ITGB1: variants seen among roughly 807,000 people sequenced by gnomAD.
ITGB1 encodes integrin subunit beta 1.
Under a neutral mutation model 86.5 loss-of-function variants are expected in ITGB1, and 24 were observed. That is an observed-to-expected ratio of 0.28 (90% confidence interval 0.20 to 0.39). The LOEUF (loss-of-function observed/expected upper bound fraction) is 0.39. ITGB1 is among the 10% of genes least tolerant of loss of function. The pLI, the probability that ITGB1 is intolerant of heterozygous loss-of-function variation, is 1.00. For missense variants in ITGB1, 556 were observed against 946.9 expected, an observed-to-expected ratio of 0.59 and a Z score of 5.42; for synonymous variants, 323 against 316.8, an observed-to-expected ratio of 1.02 and a Z score of -0.21.
chr10:32,932,421 C>T (rs2094986439), intron 3 of ITGB1, 94 bp downstream of exon 3: 1 of 751,366 alleles, frequency 1.3e-6, no homozygotes, highest in South Asian at 1.6e-5. Context: ...TTATGATTTA[C>T]ATAAAAATTA....
chr10:32,921,436 A>T (rs2094949634), intron 9 of ITGB1, among the ~76,000 whole-genome samples: 1 of 152,210 alleles, frequency 6.6e-6, no homozygotes, highest in African/African-American at 2.4e-5. Flanking sequence ...GGGAAGCCTC[A>T]TATGGTAGGC....
At chr10:32,913,433 C>A (rs776527190) in intron 11 of ITGB1, among the ~76,000 whole-genome samples, 2 of 152,054 alleles carry the variant, frequency 1.3e-5, no homozygotes, top group Admixed American at 1.3e-4. Flanking sequence ...AAAGACTAGA[C>A]GAATGGCTAA....
At chr10:32,942,669 GTCTC>G (rs1335073920) in intron 1 of ITGB1, among the ~76,000 whole-genome samples, 90 of 139,174 alleles carry the variant, frequency 6.5e-4, no homozygotes, top group African/African-American at 1.9e-3. Flanking sequence ...CCTCGACCCT[GTCTC>G]TCTCTCTCTC....
chr10:32,917,391 C>A (rs918675779), intron 11 of ITGB1, among the ~76,000 whole-genome samples: 2 of 152,166 alleles, frequency 1.3e-5, no homozygotes, highest in African/African-American at 4.8e-5. Flanking sequence ...AAACTGCCAT[C>A]AGAGTGAACA....
At chr10:32,934,552 T>C (rs2094994633) in intron 2 of ITGB1, among the ~76,000 whole-genome samples, 1 of 152,206 alleles carries the variant, frequency 6.6e-6, no homozygotes, top group Admixed American at 6.5e-5. Context: ...AAATACCATT[T>C]TACCACATTT....
chr10:32,939,534 G>T (rs1234168754), intron 1 of ITGB1, among the ~76,000 whole-genome samples: 1 of 152,190 alleles, frequency 6.6e-6, no homozygotes, highest in East Asian at 1.9e-4. Flanking sequence ...CACCTGTCCA[G>T]CACAAGACTG....
In ITGB1 at chr10:32,911,868, T is replaced by C; in HGVS notation, c.1708+18A>G. On this transcript the variant is annotated intron_variant, in intron 12 of 15. Coordinates refer to ENST00000302278, the MANE Select transcript of ITGB1 (RefSeq NM_002211.4). ...AGATGGGATCACATCTTACAACCACTTCAGGCCCTTTACTTACCTCCACAA... is the reference window on the plus strand; with the variant it reads ...AGATGGGATCACATCTTACAACCACCTCAGGCCCTTTACTTACCTCCACAA... 6.3e-7 allele frequency: 1 copy of C among 1,588,974 alleles called. No homozygotes were observed. Among genetic ancestry groups the C allele is most frequent in the Non-Finnish European group, 8.6e-7 (1 of 1,162,766 alleles).
At chr10:32,951,654 CA>C (rs2095042847) in intron 1 of ITGB1, 1 of 152,366 alleles carries the variant, frequency 6.6e-6, no homozygotes, top group East Asian at 1.9e-4. Context: ...TCCTTCCACT[CA>C]AAAGGTAAGA....
At chr10:32,919,058 G>C (rs2094940659) in intron 11 of ITGB1, among the ~76,000 whole-genome samples, 1 of 152,122 alleles carries the variant, frequency 6.6e-6, no homozygotes, top group Non-Finnish European at 1.5e-5. Context: ...ACTAAAAATG[G>C]ACCTGCATGA....
At chr10:32,920,783 G>A (rs904116882) in intron 9 of ITGB1, among the ~76,000 whole-genome samples, 2 of 147,008 alleles carry the variant, frequency 1.4e-5, no homozygotes, top group Admixed American at 7.0e-5. Flanking sequence ...GACCAGCCTG[G>A]CCAACACAGT....
rs1014720939 is a variant in ITGB1, at chr10:32,907,836, CA to C, written c.2331+531del. Among the ~76,000 whole-genome samples the C allele has an allele frequency of 1.9e-4, 29 of 150,230 alleles. No individual in the cohort carries two copies. The East Asian group carries it at 3.9e-3, about 20-fold the overall frequency. On this transcript the variant is annotated intron_variant, in intron 15 of 15. Coordinates refer to ENST00000302278, the MANE Select transcript of ITGB1 (RefSeq NM_002211.4). ...CTGATGAGCTTTAAAAAAAAGTTACCAAAAAAAAATAATAATAATAATTACA... is the reference window on the plus strand; with the variant it reads ...CTGATGAGCTTTAAAAAAAAGTTACCAAAAAAAATAATAATAATAATTACA...
Position 32,910,385 on chromosome 10 carries a change from A to G in ITGB1, c.2002T>C (p.Phe668Leu), listed in dbSNP as rs1461519934. 1 of 1,600,566 alleles carries G rather than the reference A, an allele frequency of 6.2e-7. No homozygotes were observed. The highest frequency in any genetic ancestry group is 1.3e-5 in the African/African-American group (1 of 74,594). The change falls in exon 14 of 16, where the codon TTT (phenylalanine) becomes CTT (leucine). Residue 668 changes from phenylalanine to leucine, a missense_variant. This residue lies in a region of ITGB1 where 330 missense variants were observed against 531.5 expected (regional missense o/e 0.62). Transcript: ENST00000302278. ...CGACTTTCTACCTTGGTAATGTTAA[A>G]ATAGGAACATTCCTGTGTGCATGTG... ...KDTCTQECSY[F>L]NITKVESRDK... is the part of the protein sequence containing the mutation.
intron 4 of ITGB1, 86 bp from the exon 5 acceptor site, chr10:32,928,350 G>A (rs374280645): frequency 2.1e-4 from 132 of 629,882 alleles, no homozygotes; most frequent in Non-Finnish European, 3.0e-4. Context: ...TGGTTTACAC[G>A]GTAAACACAA....
chr10:32,922,760 A>C, intron 7 of ITGB1, 25 bp from the exon 8 acceptor site: 1 of 1,330,488 alleles, frequency 7.5e-7, no homozygotes, highest in Non-Finnish European at 1.1e-6. Context: ...AATATAATTT[A>C]GTATTTAAAT....
At chr10:32,923,976 G>A (rs1435643541) in intron 6 of ITGB1, among the ~76,000 whole-genome samples, 2 of 152,050 alleles carry the variant, frequency 1.3e-5, no homozygotes, top group Admixed American at 6.6e-5. Flanking sequence ...CAATCTCTCA[G>A]TTCTTTTTAA....
chr10:32,952,217 G>C (rs1176167222), intron 1 of ITGB1, among the ~76,000 whole-genome samples: 1 of 151,996 alleles, frequency 6.6e-6, no homozygotes, highest in Non-Finnish European at 1.5e-5. Flanking sequence ...TATATTTCTA[G>C]GTGGTCAGCA....
At chr10:32,944,176 G>A (rs904000285) in intron 1 of ITGB1, among the ~76,000 whole-genome samples, 1 of 152,236 alleles carries the variant, frequency 6.6e-6, no homozygotes, top group Non-Finnish European at 1.5e-5. Context: ...AGGCCAAGAG[G>A]ATGTGAGAAA....
At chr10:32,937,375 G>A (rs1242559675) in intron 1 of ITGB1, among the ~76,000 whole-genome samples, 1 of 152,054 alleles carries the variant, frequency 6.6e-6, no homozygotes, top group Non-Finnish European at 1.5e-5. Context: ...GGACAACATA[G>A]TGAAACCCCG....
intron 1 of ITGB1, among the ~76,000 whole-genome samples, chr10:32,950,585 G>A (rs147213404): frequency 1.1e-4 from 16 of 152,112 alleles, no homozygotes; most frequent in African/African-American, 3.6e-4. Context: ...ACATGAAAGA[G>A]AAGAGGCTAA....
Sources: gnomAD v4.1 joint callset for allele counts (sites outside exome capture counted in the v4.1 genomes callset) on GRCh38, gnomAD v4.1.1 for gene constraint, gnomAD v4.1.1 regional missense constraint, MANE v1.5 for transcripts, NCBI Gene and HGNC (gene_info 2026-07-23, HGNC 2026-07-21) for gene names.